The following LARGE1 variants were observed in gnomAD, a reference collection of about 807,000 sequenced individuals.
LARGE1 encodes the protein xylosyl- and glucuronyltransferase LARGE1.
In LARGE1, 43 loss-of-function variants were observed where a neutral mutation model predicts 87.6. The observed-to-expected ratio is 0.49, with a 90% CI of 0.38 to 0.63. The LOEUF is 0.63. Among genes scored for constraint, LARGE1 ranks in the 30% least tolerant of loss-of-function variants. LARGE1 has a pLI of 0.00. For missense variants in LARGE1, 802 were observed against 1,000.2 expected (o/e 0.80, Z 2.67); for synonymous variants, 434 against 394.6 (o/e 1.10, Z -1.18).
intron 3 of LARGE1, among the ~76,000 whole-genome samples, chr22:33,642,713 A>C: frequency 7.4e-6 from 1 of 134,876 alleles, no homozygotes; most frequent in Admixed American, 7.1e-5. Context: ...TGGAAAGCAA[A>C]AAAAAAAAAA....
chr22:33,474,613 C>CT (rs763614184), intron 6 of LARGE1, among the ~76,000 whole-genome samples: 3 of 152,234 alleles, frequency 2.0e-5, no homozygotes, highest in Non-Finnish European at 4.4e-5. Context: ...TGAGACCTCA[C>CT]TGTTATCAGG....
At chr22:33,881,585 T>TCAC (rs1218243273) in intron 1 of LARGE1, among the ~76,000 whole-genome samples, 1 of 152,198 alleles carries the variant, frequency 6.6e-6, no homozygotes. Context: ...CAGCAAAGAA[T>TCAC]CACAGCCATT....
intron 1 of LARGE1, among the ~76,000 whole-genome samples, chr22:33,766,511 C>T (rs866541477): frequency 4.6e-5 from 7 of 152,126 alleles, no homozygotes; most frequent in African/African-American, 1.4e-4. Flanking sequence ...CTGCAACCTC[C>T]GCCTCCCGGG....
At chr22:33,089,325 TTCTTCTTCTTCTTCTTCTTCTTCTTC>T in the LARGE1 span, among the ~76,000 whole-genome samples, 5 of 88,116 alleles carry the variant, frequency 5.7e-5, no homozygotes, top group East Asian at 5.2e-4. Context: ...TTCTTCTTTC[TTCTTCTTCTTCTTCTTCTTCTTCTTC>T]TTCTTCTTCT....
chr22:33,880,368 G>A (rs145684195), intron 1 of LARGE1, among the ~76,000 whole-genome samples: 2 of 152,264 alleles, frequency 1.3e-5, no homozygotes, highest in East Asian at 1.9e-4. Flanking sequence ...TCTCTCATTT[G>A]AACATTCTAA....
chr22:33,286,735 C>G (rs1477114013), intron 12 of LARGE1, among the ~76,000 whole-genome samples: 1 of 150,518 alleles, frequency 6.6e-6, no homozygotes, highest in East Asian at 2.0e-4. Flanking sequence ...GACACATACA[C>G]ATATATACAC....
At chr22:33,277,951 G>A (rs1929666267) in intron 13 of LARGE1, among the ~76,000 whole-genome samples, 2 of 152,146 alleles carry the variant, frequency 1.3e-5, no homozygotes, top group South Asian at 4.1e-4. Context: ...GGTCCCCCAT[G>A]ACTCTCACCC....
chr22:33,586,429 C>T (rs886974113), intron 5 of LARGE1, among the ~76,000 whole-genome samples: 1 of 151,878 alleles, frequency 6.6e-6, no homozygotes, highest in Admixed American at 6.6e-5. Flanking sequence ...GCCATGCTGC[C>T]CCCAAACAGG....
intron 1 of LARGE1, among the ~76,000 whole-genome samples, chr22:33,817,473 G>A (rs1601688863): frequency 6.6e-6 from 1 of 151,986 alleles, no homozygotes; most frequent in Non-Finnish European, 1.5e-5. Flanking sequence ...GGGACCCGTG[G>A]GGCAGACCCC....
rs1425744206 is a variant in LARGE1 at position 33,173,163 on chromosome 22, T to C, written c.1731-6331A>G. Among the ~76,000 whole-genome samples the C allele has an allele frequency of 2.6e-5, 4 of 152,186 alleles. No individual in the cohort carries two copies. The East Asian group carries it at 7.7e-4, about 29-fold the overall frequency. On this transcript the variant is annotated intron_variant, in intron 11 of 11. Coordinates refer to the LARGE1 transcript ENST00000608642. ...CCATTCGATTAACAGCAGATCTCTCTGCAGAAACCCTACAAGCCAGAAGAG... is the reference window on the plus strand; with the variant it reads ...CCATTCGATTAACAGCAGATCTCTCCGCAGAAACCCTACAAGCCAGAAGAG...
intron 5 of LARGE1, among the ~76,000 whole-genome samples, chr22:33,592,353 T>A (rs2078865844): frequency 6.6e-6 from 1 of 152,196 alleles, no homozygotes; most frequent in Non-Finnish European, 1.5e-5. Flanking sequence ...GCTTCTTACT[T>A]AGGCTTTATT....
At chr22:33,332,310 C>T (rs1937825183) in intron 10 of LARGE1, among the ~76,000 whole-genome samples, 1 of 152,146 alleles carries the variant, frequency 6.6e-6, no homozygotes, top group Non-Finnish European at 1.5e-5. Context: ...AAACCCCTTT[C>T]ACTTGGTTCT....
intron 1 of LARGE1, among the ~76,000 whole-genome samples, chr22:33,847,086 C>A (rs182180824): frequency 1.3e-5 from 2 of 152,196 alleles, no homozygotes; most frequent in African/African-American, 4.8e-5. Flanking sequence ...AATCACGGAA[C>A]CTACCGACAT....
chr22:33,598,158 G>A (rs1402119921), intron 5 of LARGE1, among the ~76,000 whole-genome samples: 9 of 152,116 alleles, frequency 5.9e-5, no homozygotes, highest in African/African-American at 2.2e-4. Flanking sequence ...AGGGAAACAG[G>A]ACATAGGAGA....
chr22:33,072,597 G>A, the LARGE1 span, among the ~76,000 whole-genome samples: 2 of 152,080 alleles, frequency 1.3e-5, no homozygotes, highest in African/African-American at 4.8e-5. Context: ...ATTGAATCAG[G>A]GCTCTAAAGG....
chr22:33,429,833 A>G (rs2067015465), intron 7 of LARGE1, among the ~76,000 whole-genome samples: 1 of 152,124 alleles, frequency 6.6e-6, no homozygotes, highest in Non-Finnish European at 1.5e-5. Context: ...GCCAGAGGAA[A>G]GCACGTGGAA....
intron 12 of LARGE1, among the ~76,000 whole-genome samples, chr22:33,294,759 T>C (rs1932996760): frequency 6.6e-6 from 1 of 152,148 alleles, no homozygotes; most frequent in Non-Finnish European, 1.5e-5. Flanking sequence ...CTGTTCATGG[T>C]TACGTTTCCA....
chr22:33,612,776 G>A (rs925139545), intron 4 of LARGE1, among the ~76,000 whole-genome samples: 2 of 152,186 alleles, frequency 1.3e-5, no homozygotes, highest in Non-Finnish European at 2.9e-5. Context: ...GCCAGACAAG[G>A]TTTGGAGGCT....
chr22:33,767,310 A>G (rs2084937978), intron 1 of LARGE1, among the ~76,000 whole-genome samples: 1 of 151,756 alleles, frequency 6.6e-6, no homozygotes, highest in Non-Finnish European at 1.5e-5. Context: ...CGACAGAGCA[A>G]GACTCCATCT....
Sources: gnomAD v4.1 joint callset for allele counts (sites outside exome capture counted in the v4.1 genomes callset) on GRCh38, gnomAD v4.1.1 for gene constraint, MANE v1.5 for transcripts, NCBI Gene and HGNC (gene_info 2026-07-23, HGNC 2026-07-21) for gene names.